Variants in ASAP1 observed in about 807,000 individuals in gnomAD.
ASAP1 encodes the protein arf-GAP with SH3 domain, ANK repeat and PH domain-containing protein 1.
In ASAP1, 43 loss-of-function variants were observed where a neutral mutation model predicts 145.2. The ratio of observed to expected loss-of-function variants is 0.30; its 90% CI spans 0.23 to 0.38. The LOEUF (loss-of-function observed/expected upper bound fraction) is 0.38. ASAP1 is among the 10% of genes least tolerant of loss of function. ASAP1 has a pLI of 1.00. For synonymous variants in ASAP1, 546 were observed against 515.5 expected, an observed-to-expected ratio of 1.06 and a Z score of -0.80; for missense variants, 1,018 against 1,355.3, an observed-to-expected ratio of 0.75 and a Z score of 3.91.
At chr8:130,388,098 A>C (rs1828107394) in intron 2 of ASAP1, among the ~76,000 whole-genome samples, 1 of 152,220 alleles carries the variant, frequency 6.6e-6, no homozygotes, top group African/African-American at 2.4e-5. Context: ...ACGACCATGG[A>C]GTGGGGGACA....
intron 3 of ASAP1, among the ~76,000 whole-genome samples, chr8:130,343,531 T>C (rs1392561202): frequency 6.6e-6 from 1 of 152,230 alleles, no homozygotes; most frequent in Admixed American, 6.5e-5. Flanking sequence ...AGCACTTTCC[T>C]AGGCTGCCCA....
At chr8:130,398,726 G>C (rs1222162127) in intron 2 of ASAP1, among the ~76,000 whole-genome samples, 6 of 152,132 alleles carry the variant, frequency 3.9e-5, no homozygotes, top group East Asian at 1.9e-4. Flanking sequence ...AACAACCCTT[G>C]TAAGTCTATA....
intron 1 of ASAP1, among the ~76,000 whole-genome samples, chr8:130,406,400 C>G (rs1586987696): frequency 6.6e-6 from 1 of 152,088 alleles, no homozygotes; most frequent in Middle Eastern, 3.4e-3. Context: ...AAGTTGGCCC[C>G]TAGAACAAAC....
intron 12 of ASAP1, 132 bp downstream of exon 12, chr8:130,159,731 TG>T (rs2097665340): frequency 2.9e-6 from 2 of 694,612 alleles, no homozygotes; most frequent in East Asian, 5.2e-5. Flanking sequence ...CGGATTTACT[TG>T]AAGAAAACCA....
chr8:130,162,513 A>G (rs143308471), intron 11 of ASAP1, among the ~76,000 whole-genome samples: 370 of 152,262 alleles, frequency 2.4e-3, no homozygotes, highest in African/African-American at 8.7e-3. Context: ...CCCTATCTGT[A>G]TCTTCCAGAA....
chr8:130,134,831 CTT>C (rs771399647), intron 14 of ASAP1, among the ~76,000 whole-genome samples: 54 of 151,624 alleles, frequency 3.6e-4, no homozygotes, highest in Non-Finnish European at 5.9e-4. Flanking sequence ...ACTGTGTTTT[CTT>C]TTTTTTTAAA....
chr8:130,361,743 C>A, intron 2 of ASAP1: 1 of 1,535,514 alleles, frequency 6.5e-7, no homozygotes, highest in South Asian at 1.2e-5. Context: ...CTCATTTTCT[C>A]AAATACTCTG....
chr8:130,370,535 A>C (rs1335671831), intron 2 of ASAP1, among the ~76,000 whole-genome samples: 1 of 152,220 alleles, frequency 6.6e-6, no homozygotes, highest in Non-Finnish European at 1.5e-5. Context: ...CAAACTGACT[A>C]AGACACTCCT....
At chr8:130,220,525 G>C (rs1026198067) in intron 4 of ASAP1, among the ~76,000 whole-genome samples, 4 of 152,076 alleles carry the variant, frequency 2.6e-5, no homozygotes, top group Non-Finnish European at 5.9e-5. Context: ...CAATTATTTT[G>C]AGCTTAAAGC....
chr8:130,192,141 GGCA>G (rs1268148164), intron 5 of ASAP1, among the ~76,000 whole-genome samples: 2 of 152,050 alleles, frequency 1.3e-5, no homozygotes, highest in African/African-American at 2.4e-5. Flanking sequence ...CAGACTGGCT[GGCA>G]TACCAGAGAG....
intron 2 of ASAP1, among the ~76,000 whole-genome samples, chr8:130,394,772 A>C (rs1316024626): frequency 3.3e-5 from 5 of 152,182 alleles, no homozygotes; most frequent in Non-Finnish European, 7.3e-5. Context: ...GCTTAGGGAA[A>C]ACAGAAAAGA....
intron 5 of ASAP1, among the ~76,000 whole-genome samples, chr8:130,197,300 C>A (rs1357007166): frequency 1.3e-5 from 2 of 152,222 alleles, no homozygotes; most frequent in Non-Finnish European, 2.9e-5. Context: ...CTTGGTAGTG[C>A]ATGCCTAAAC....
intron 2 of ASAP1, among the ~76,000 whole-genome samples, chr8:130,390,336 G>A (rs1828218373): frequency 6.6e-6 from 1 of 152,210 alleles, no homozygotes; most frequent in Non-Finnish European, 1.5e-5. Context: ...TTCATAGAAA[G>A]TTCTACTGGA....
At chr8:130,431,663 T>C (rs147100248) in intron 1 of ASAP1, among the ~76,000 whole-genome samples, 2 of 152,248 alleles carry the variant, frequency 1.3e-5, no homozygotes, top group Admixed American at 6.5e-5. Flanking sequence ...TTACATGTTA[T>C]GTTCCTGCAG....
chr8:130,123,083 A>G (rs941959491), intron 18 of ASAP1, among the ~76,000 whole-genome samples: 1 of 152,134 alleles, frequency 6.6e-6, no homozygotes. Flanking sequence ...TTCCATCTGC[A>G]TAGTGTTCTG....
intron 3 of ASAP1, among the ~76,000 whole-genome samples, chr8:130,299,888 A>C (rs1586784168): frequency 6.6e-6 from 1 of 152,206 alleles, no homozygotes; most frequent in East Asian, 1.9e-4. Context: ...AAATAGTATA[A>C]ATAGATGAGG....
intron 3 of ASAP1, among the ~76,000 whole-genome samples, chr8:130,245,890 A>G (rs1243232521): frequency 1.3e-5 from 2 of 152,182 alleles, no homozygotes; most frequent in Non-Finnish European, 2.9e-5. Flanking sequence ...ATTGCAACAC[A>G]TATTTTTTGT....
intron 28 of ASAP1, among the ~76,000 whole-genome samples, chr8:130,058,484 A>C (rs2097409520): frequency 6.6e-6 from 1 of 152,260 alleles, no homozygotes; most frequent in African/African-American, 2.4e-5. Flanking sequence ...CAAAATCTGC[A>C]GCTTCTGCAT....
chr8:130,414,084 TG>T (rs1176753625), intron 1 of ASAP1, among the ~76,000 whole-genome samples: 1 of 152,154 alleles, frequency 6.6e-6, no homozygotes, highest in Non-Finnish European at 1.5e-5. Flanking sequence ...AGTGGCTTCA[TG>T]GGGGACATAG....
Sources: allele counts gnomAD v4.1 joint callset (sites outside exome capture counted in the v4.1 genomes callset), GRCh38; gene constraint gnomAD v4.1.1; transcripts MANE v1.5; gene names NCBI Gene and HGNC (gene_info 2026-07-23, HGNC 2026-07-21).